HDAC9: variants seen among roughly 807,000 people sequenced by gnomAD.
HDAC9 encodes MEF-2 interacting transcription repressor (MITR) protein.
HDAC9 carries 41 observed loss-of-function variants against 139.4 expected under a neutral mutation model. The observed-to-expected ratio is 0.29, with a 90% CI of 0.23 to 0.38. The LOEUF is 0.38. Ranked by LOEUF, HDAC9 falls within the 10% of genes least tolerant of loss-of-function variation. The pLI is 1.00. For synonymous variants in HDAC9, 517 were observed against 476.2 expected (o/e 1.09, Z -1.12); for missense variants, 1,147 against 1,297.0 (o/e 0.88, Z 1.78).
intron 22 of HDAC9, among the ~76,000 whole-genome samples, chr7:18,902,538 G>C (rs1188004346): frequency 6.6e-6 from 1 of 152,156 alleles, no homozygotes; most frequent in African/African-American, 2.4e-5. Context: ...TCAATATAAT[G>C]AAGATAAAGC....
chr7:18,581,252 A>G (rs942211355), intron 2 of HDAC9, among the ~76,000 whole-genome samples: 4 of 152,136 alleles, frequency 2.6e-5, no homozygotes, highest in African/African-American at 7.2e-5. Flanking sequence ...TTGCTGCTGA[A>G]TAAATTGGAT....
chr7:18,891,423 G>T (rs1800670928), intron 22 of HDAC9, among the ~76,000 whole-genome samples: 2 of 152,158 alleles, frequency 1.3e-5, no homozygotes, highest in South Asian at 4.1e-4. Context: ...ATGGTTATTA[G>T]AACTTTTCCT....
chr7:18,569,709 T>A (rs2128738331), intron 2 of HDAC9, among the ~76,000 whole-genome samples: 1 of 152,326 alleles, frequency 6.6e-6, no homozygotes, highest in Admixed American at 6.5e-5. Context: ...TGTCTTCAAT[T>A]AATGCACAGA....
chr7:18,767,178 C>T, intron 16 of HDAC9, 23 bp downstream of exon 16: 1 of 1,428,076 alleles, frequency 7.0e-7, no homozygotes, highest in South Asian at 1.3e-5. Flanking sequence ...TGGTTTACTG[C>T]CTTTAAATAA....
Position 18,583,958 on chromosome 7 carries a change from A to T in HDAC9, c.23-1323A>T, listed in dbSNP as rs560095930. Among the ~76,000 whole-genome samples, 14 of 152,186 alleles carry T rather than the reference A, an allele frequency of 9.2e-5. No individual in the cohort carries two copies. The South Asian group carries it at 2.1e-3, about 23-fold the overall frequency. On this transcript the variant is annotated intron_variant, in intron 2 of 25. Coordinates refer to ENST00000686413, the MANE Select transcript of HDAC9 (RefSeq NM_178425.4). ...GTCTTTAGCTTAACCTTTTACACTG[A>T]ACTACAGAATTTTCCCGATTCTTGT... is the stretch of plus-strand genomic sequence containing the variant.
At chr7:18,935,394 T>C (rs895530332) in intron 22 of HDAC9, among the ~76,000 whole-genome samples, 1 of 152,110 alleles carries the variant, frequency 6.6e-6, no homozygotes, top group Non-Finnish European at 1.5e-5. Context: ...TATATAGCAA[T>C]TTGGGGCATA....
At chr7:18,953,676 A>T (rs1205215068) in intron 23 of HDAC9, among the ~76,000 whole-genome samples, 1 of 152,096 alleles carries the variant, frequency 6.6e-6, no homozygotes, top group Non-Finnish European at 1.5e-5. Context: ...GCTGTGTCTC[A>T]TGGCTTTCTA....
At chr7:18,859,141 A>G (rs770729090) in intron 21 of HDAC9, among the ~76,000 whole-genome samples, 1 of 152,214 alleles carries the variant, frequency 6.6e-6, no homozygotes, top group Non-Finnish European at 1.5e-5. Flanking sequence ...TATAATTGGG[A>G]TCAAAGTACA....
chr7:18,244,085 G>A (rs1794363988), intron 2 of HDAC9, among the ~76,000 whole-genome samples: 1 of 152,098 alleles, frequency 6.6e-6, no homozygotes, highest in Non-Finnish European at 1.5e-5. Context: ...CTTTTTTGAG[G>A]CAAGAGCTCA....
intron 2 of HDAC9, among the ~76,000 whole-genome samples, chr7:18,516,779 T>G (rs1803334370): frequency 6.7e-6 from 1 of 149,192 alleles, no homozygotes; most frequent in African/African-American, 2.5e-5. Flanking sequence ...GAGAATCACT[T>G]GAACCCAGGA....
At chr7:18,894,342 A>C (rs1422880125) in intron 22 of HDAC9, among the ~76,000 whole-genome samples, 1 of 152,160 alleles carries the variant, frequency 6.6e-6, no homozygotes, top group Non-Finnish European at 1.5e-5. Context: ...CATTGGAGCC[A>C]TGAGGGGGAG....
intron 22 of HDAC9, among the ~76,000 whole-genome samples, chr7:18,921,552 G>A (rs937642798): frequency 6.6e-6 from 1 of 152,108 alleles, no homozygotes; most frequent in African/African-American, 2.4e-5. Flanking sequence ...CAGTTAGAAT[G>A]GCAATCATTA....
At chr7:18,233,146 C>G (rs1416832699) in intron 2 of HDAC9, among the ~76,000 whole-genome samples, 1 of 152,100 alleles carries the variant, frequency 6.6e-6, no homozygotes, top group African/African-American at 2.4e-5. Flanking sequence ...AATGGCAGCT[C>G]ATAATTGCTG....
intron 3 of HDAC9, among the ~76,000 whole-genome samples, chr7:18,589,282 T>TA (rs1363020775): frequency 1.3e-5 from 2 of 152,142 alleles, no homozygotes; most frequent in African/African-American, 4.8e-5. Context: ...TCCCGGCAGT[T>TA]AGAGAGGCCA....
chr7:18,858,352 A>G (rs1280320288), intron 21 of HDAC9, among the ~76,000 whole-genome samples: 1 of 152,150 alleles, frequency 6.6e-6, no homozygotes, highest in East Asian at 1.9e-4. Context: ...ACTTACAATC[A>G]TGGTGGGAGG....
At chr7:18,114,683 T>C (rs1436434919) in intron 1 of HDAC9, among the ~76,000 whole-genome samples, 1 of 152,174 alleles carries the variant, frequency 6.6e-6, no homozygotes, top group East Asian at 1.9e-4. Flanking sequence ...AGGGAACCAA[T>C]ATTAATGACA....
chr7:18,110,300 G>C (rs546030911), intron 1 of HDAC9, among the ~76,000 whole-genome samples: 61 of 152,256 alleles, frequency 4.0e-4, no homozygotes, highest in African/African-American at 1.4e-3. Context: ...AAAAATAAAT[G>C]TTCAAAAGTA....
At chr7:18,631,844 A>G (rs1782449093) in intron 7 of HDAC9, among the ~76,000 whole-genome samples, 1 of 151,964 alleles carries the variant, frequency 6.6e-6, no homozygotes, top group South Asian at 2.1e-4. Flanking sequence ...GAGATCAGAG[A>G]TCTCAGAAAA....
intron 22 of HDAC9, among the ~76,000 whole-genome samples, chr7:18,901,886 T>C (rs1801758411): frequency 6.6e-6 from 1 of 152,224 alleles, no homozygotes; most frequent in African/African-American, 2.4e-5. Context: ...GAGTATGTCA[T>C]ATTATTATTT....
Sources: allele counts gnomAD v4.1 joint callset (sites outside exome capture counted in the v4.1 genomes callset), GRCh38; gene constraint gnomAD v4.1.1; transcripts MANE v1.5; gene names NCBI Gene and HGNC (gene_info 2026-07-23, HGNC 2026-07-21).